Variants in SNAI2 observed in about 807,000 individuals in gnomAD.
SNAI2 encodes the protein snail family transcriptional repressor 2.
Under a neutral mutation model 22.4 loss-of-function variants are expected in SNAI2, and 2 were observed. The observed-to-expected ratio is 0.09, with a 90% CI of 0.04 to 0.28. The LOEUF (loss-of-function observed/expected upper bound fraction) is 0.28, where lower values mean the gene tolerates loss of function less well. Among genes scored for constraint, SNAI2 ranks in the 10% least tolerant of loss-of-function variants. The pLI, the probability that SNAI2 is intolerant of heterozygous loss-of-function variation, is 1.00. For missense variants in SNAI2, 239 were observed against 320.8 expected, an observed-to-expected ratio of 0.75 and a Z score of 1.95; for synonymous variants, 134 against 123.0, an observed-to-expected ratio of 1.09 and a Z score of -0.59.
At chr8:48,919,054 T>C (rs1030149135) in intron 2 of SNAI2, 66 bp from the exon 3 acceptor site, 1 of 1,502,718 alleles carries the variant, frequency 6.7e-7, no homozygotes, top group African/African-American at 1.4e-5. Flanking sequence ...TAAAGTAAAA[T>C]CATGTTAACA....
Position 48,918,538 on chromosome 8 carries a change from G to T in SNAI2, c.*269C>A, listed in dbSNP as rs550104943. On this transcript the variant is annotated 3_prime_UTR_variant, in exon 3 of 3. Transcript: ENST00000020945. The stretch of plus-strand genomic sequence containing the variant: ...TTTCATTTTATCTTTGAAGAGAAAG[G>T]TTACTGTCTTTTATTCTCTCAATCT... 9 of 454,944 alleles carry T rather than the reference G, an allele frequency of 2.0e-5. No individual in the cohort carries two copies. Among genetic ancestry groups the T allele is most frequent in the East Asian group, 1.2e-4 (3 of 25,074 alleles). The allele number at this position is 454,944 out of a possible 1,614,324, so 28.2% of individuals were successfully genotyped here.
At position 48,918,697 on chromosome 8, in the gene SNAI2, A is replaced by G. The variant is rs1806115363; in HGVS notation, c.*110T>C. 2.1e-6 allele frequency: 2 copies of G among 955,468 alleles called. No individual in the cohort carries two copies. Among genetic ancestry groups the G allele is most frequent in the Non-Finnish European group, 1.7e-6 (1 of 589,346 alleles). 59.2% of individuals were successfully genotyped at this position (955,468 alleles called of 1,614,324 possible). ...TGTGTGCATATGTGTGTGTGTCTAT[A>G]CATATTATTTGGTTGGTCAGCACAG... On this transcript the variant is annotated 3_prime_UTR_variant, in exon 3 of 3. Transcript: ENST00000020945.
rs374589338 is a variant in SNAI2 at position 48,920,027 on chromosome 8, T to C, written c.494A>G (p.Asp165Gly). ...GGCGCCCAGGCTCACATATTCCTTG[T>C]CACAGTATTTACAGCTGAAAGATTT... ...SRKSFSCKYC[D>G]KEYVSLGALK... Residue 165 changes from aspartate to glycine, a missense_variant, in exon 2 of 3, where the codon GAC becomes GGC. Coordinates refer to ENST00000020945, the MANE Select transcript of SNAI2 (RefSeq NM_003068.5). 1 of 1,614,096 alleles carries C rather than the reference T, an allele frequency of 6.2e-7. No individual in the cohort carries two copies. Among genetic ancestry groups the C allele is most frequent in the Non-Finnish European group, 8.5e-7 (1 of 1,180,044 alleles).
In SNAI2 at chr8:48,921,356, G is replaced by A. The variant is rs988277433; in HGVS notation, c.-91C>T. On this transcript the variant is annotated 5_prime_UTR_variant, in exon 1 of 3. Transcript: ENST00000020945. ...TACAGCATCGCGGCGGGCCAGGCTC[G>A]GGCAGGGGCCGTGCTCAGGTGCGGC... The A allele has an allele frequency of 2.8e-5, 28 of 1,002,486 alleles. No individual in the cohort carries two copies. The highest frequency in any genetic ancestry group is 4.1e-5 in the Non-Finnish European group (26 of 636,304). 62.1% of individuals were successfully genotyped at this position (1,002,486 alleles called of 1,614,324 possible). A position where few individuals can be genotyped will look rare whatever the true frequency, so the allele number is the denominator to read the frequency against.
chr8:48,921,375 G>A lies in SNAI2; in HGVS notation c.-110C>T, dbSNP rs1419065601. 15 of 849,994 alleles carry A rather than the reference G, an allele frequency of 1.8e-5. No individual in the cohort carries two copies. The highest frequency in any genetic ancestry group is 3.0e-5 in the Non-Finnish European group (15 of 503,802). The allele number at this position is 849,994 out of a possible 1,614,324, so 52.7% of individuals were successfully genotyped here. A position where few individuals can be genotyped will look rare whatever the true frequency, so the allele number is the denominator to read the frequency against. ...AGGCTCGGGCAGGGGCCGTGCTCAG[G>A]TGCGGCAGACGGACGGGCCGGCGCC... On this transcript the variant is annotated 5_prime_UTR_variant, in exon 1 of 3. Coordinates refer to ENST00000020945, the MANE Select transcript of SNAI2 (RefSeq NM_003068.5).
Position 48,917,910 on chromosome 8 carries a change from T to C in SNAI2, c.*897A>G, listed in dbSNP as rs1806101944. ...TTCATACAGAACTCATTCAATCATA[T>C]AAAAATAAACACAAATTTACATTGA... is the stretch of plus-strand genomic sequence containing the variant. On this transcript the variant is annotated 3_prime_UTR_variant, in exon 3 of 3. Transcript: ENST00000020945. 1 of 152,138 alleles carries C rather than the reference T, an allele frequency of 6.6e-6. No homozygotes were observed. Among genetic ancestry groups the C allele is most frequent in the Non-Finnish European group, 1.5e-5 (1 of 68,012 alleles). The allele number at this position is 152,138 out of a possible 1,614,324, so 9.4% of individuals were successfully genotyped here.
At chr8:48,919,824 G>A in intron 2 of SNAI2, 72 bp downstream of exon 2, 1 of 1,481,476 alleles carries the variant, frequency 6.8e-7, no homozygotes, top group Non-Finnish European at 9.4e-7. Flanking sequence ...ACAACTTCAT[G>A]CAAATCCAAC....
At position 48,917,732 on chromosome 8, in the gene SNAI2, G is replaced by A. The variant is rs1424515641; in HGVS notation, c.*1075C>T. Reference sequence around the variant, plus strand: ...ACAGTGGTTTGGTACTAATCATGAAGCAAGTAAAGTCTCTGAAAATAGTAT... The same window carrying A: ...ACAGTGGTTTGGTACTAATCATGAAACAAGTAAAGTCTCTGAAAATAGTAT... On this transcript the variant is annotated 3_prime_UTR_variant, in exon 3 of 3. Transcript: ENST00000020945. The A allele has an allele frequency of 1.3e-5, 2 of 152,018 alleles. No individual in the cohort carries two copies. The highest frequency in any genetic ancestry group is 2.9e-5 in the Non-Finnish European group (2 of 67,964). The allele number at this position is 152,018 out of a possible 1,614,324, so 9.4% of individuals were successfully genotyped here.
At position 48,918,992 on chromosome 8, in the gene SNAI2, G is replaced by T. The variant is rs369752601; in HGVS notation, c.626-4C>A. ...GGGCAAGAAAAAGGCTTCTCCCCTG[G>T]GGGTGGAGTGGGAGAAAAAAAGAAA... On this transcript the variant is annotated splice_polypyrimidine_tract_variant and splice_region_variant and intron_variant, in intron 2 of 2. Transcript: ENST00000020945. The T allele has an allele frequency of 6.2e-7, 1 of 1,613,006 alleles. No individual in the cohort carries two copies. The highest frequency in any genetic ancestry group is 8.5e-7 in the Non-Finnish European group (1 of 1,179,748).
At position 48,920,234 on chromosome 8, in the gene SNAI2, G is replaced by A; in HGVS notation, c.287C>T (p.Ser96Phe). Residue 96 changes from serine (S) to phenylalanine (F), a missense_variant, in exon 2 of 3, where the codon TCC becomes TTC. Transcript: ENST00000020945. Reference sequence around the variant, plus strand: ...GCTTTCTGAGCCACTGTGGTCCTTGGAGGAGGTGTCAGATGGAGGAGGGGG... The same window carrying A: ...GCTTTCTGAGCCACTGTGGTCCTTGAAGGAGGTGTCAGATGGAGGAGGGGG... Reference protein sequence around the residue: ...VSPPPPSDTSSKDHSGSESPI... With the variant: ...VSPPPPSDTSFKDHSGSESPI... The A allele has an allele frequency of 6.2e-7, 1 of 1,614,164 alleles. No homozygotes were observed.
Position 48,919,008 on chromosome 8 carries a change from A to G in SNAI2, c.626-20T>C. ...TCTCCCCTGGGGGTGGAGTGGGAGAAAAAAAGAAAGACAGTCAGTGTTTTT... is the reference window on the plus strand; with the variant it reads ...TCTCCCCTGGGGGTGGAGTGGGAGAGAAAAAGAAAGACAGTCAGTGTTTTT... On this transcript the variant is annotated intron_variant, in intron 2 of 2. Coordinates refer to ENST00000020945, the MANE Select transcript of SNAI2 (RefSeq NM_003068.5). The G allele has an allele frequency of 6.2e-7, 1 of 1,611,164 alleles. No homozygotes were observed. Among genetic ancestry groups the G allele is most frequent in the South Asian group, 1.1e-5 (1 of 90,970 alleles).
rs547700652 is a variant in SNAI2, at chr8:48,918,660, T to G, written c.*147A>C. On this transcript the variant is annotated 3_prime_UTR_variant, in exon 3 of 3. Coordinates refer to ENST00000020945, the MANE Select transcript of SNAI2 (RefSeq NM_003068.5). ...GCTCTTGCAGCTCTCTCTCTGTGGG[T>G]GTGTGTGTGTGTGTGTGCATATGTG... 304 of 394,208 alleles carry G rather than the reference T, an allele frequency of 7.7e-4. No individual in the cohort carries two copies. The highest frequency in any genetic ancestry group is 3.0e-3 in the South Asian group (88 of 29,456). The allele number at this position is 394,208 out of a possible 1,614,324, so 24.4% of individuals were successfully genotyped here.
At position 48,918,524 on chromosome 8, in the gene SNAI2, C is replaced by T. The variant is rs1806111776; in HGVS notation, c.*283G>A. On this transcript the variant is annotated 3_prime_UTR_variant, in exon 3 of 3. Coordinates refer to ENST00000020945, the MANE Select transcript of SNAI2 (RefSeq NM_003068.5). The stretch of plus-strand genomic sequence containing the variant: ...AGATGCAATGTGCTTTTCATTTTAT[C>T]TTTGAAGAGAAAGGTTACTGTCTTT... 9.7e-6 allele frequency: 4 copies of T among 410,970 alleles called. No individual in the cohort carries two copies. Among genetic ancestry groups the T allele is most frequent in the Non-Finnish European group, 1.8e-5 (4 of 225,482 alleles). The allele number at this position is 410,970 out of a possible 1,614,324, so 25.5% of individuals were successfully genotyped here.
In SNAI2 at chr8:48,920,403, G is replaced by C. The variant is rs891783277; in HGVS notation, c.118C>G (p.Pro40Ala). Residue 40 changes from proline (P) to alanine (A), a missense_variant, in exon 2 of 3, where the codon CCT (proline) becomes GCT (alanine). Coordinates refer to ENST00000020945, the MANE Select transcript of SNAI2 (RefSeq NM_003068.5). ...AGGATCTCTGGTTGTGGTATGACAG[G>C]CATGGAGTAACTCTCATAGAGATAC... Reference protein sequence around the residue: ...SPYLYESYSMPVIPQPEILSS... With the variant: ...SPYLYESYSMAVIPQPEILSS... 2 of 1,614,114 alleles carry C rather than the reference G, an allele frequency of 1.2e-6. No individual in the cohort carries two copies. Among genetic ancestry groups the C allele is most frequent in the Non-Finnish European group, 1.7e-6 (2 of 1,179,976 alleles).
At chr8:48,919,745 G>T in intron 2 of SNAI2, 151 bp downstream of exon 2, 2 of 819,880 alleles carry the variant, frequency 2.4e-6, no homozygotes, top group Non-Finnish European at 4.1e-6. Context: ...AGCACTTTGT[G>T]CCCTAACAAC....
At position 48,921,119 on chromosome 8, in the gene SNAI2, G is replaced by A. The variant is rs1327834035; in HGVS notation, c.79+68C>T. ...GGCTCTTTTGTAATGGTATTTGAAGGGTAATACGTAGATTCATATTTGCAA... is the reference window on the plus strand; with the variant it reads ...GGCTCTTTTGTAATGGTATTTGAAGAGTAATACGTAGATTCATATTTGCAA... On this transcript the variant is annotated intron_variant, in intron 1 of 2. Transcript: ENST00000020945. The A allele has an allele frequency of 5.4e-6, 6 of 1,101,562 alleles. No homozygotes were observed. In the African/African-American group the frequency reaches 9.2e-5, roughly 17 times the overall value. The allele number at this position is 1,101,562 out of a possible 1,614,324, so 68.2% of individuals were successfully genotyped here.
intron 2 of SNAI2, 50 bp from the exon 3 acceptor site, chr8:48,919,038 G>A (rs879207236): frequency 1.3e-6 from 2 of 1,554,608 alleles, no homozygotes; most frequent in South Asian, 2.2e-5. Context: ...GTTTTTAGAG[G>A]AAACATAAAG....
chr8:48,919,999 C>T lies in SNAI2; in HGVS notation c.522G>A (p.Leu174=), dbSNP rs753970426. ...CDKEYVSLGA[L]KMHIRTHTLP... ...ATGTGTGGGTCCGAATATGCATCTT[C>T]AGGGCGCCCAGGCTCACATATTCCT... The change falls in exon 2 of 3, where the codon CTG becomes CTA. Residue 174 remains leucine (L), a synonymous_variant. Coordinates refer to ENST00000020945, the MANE Select transcript of SNAI2 (RefSeq NM_003068.5). 2.6e-5 allele frequency: 42 copies of T among 1,614,088 alleles called. No individual in the cohort carries two copies. The highest frequency in any genetic ancestry group is 3.5e-5 in the Non-Finnish European group (41 of 1,180,046).
Position 48,920,048 on chromosome 8 carries a change from G to C in SNAI2, c.473C>G (p.Ser158Cys), listed in dbSNP as rs769311446. ...QLHCDAQSRK[S>C]FSCKYCDKEY... ...CTTGTCACAGTATTTACAGCTGAAA[G>C]ATTTTCTAGACTGGGCATCGCAGTG... Residue 158 changes from serine (S) to cysteine (C), a missense_variant, in exon 2 of 3, where the codon TCT becomes TGT. This residue lies in a region of SNAI2 where 183 missense variants were observed against 190.4 expected (regional missense o/e 0.96). Transcript: ENST00000020945. 5.0e-6 allele frequency: 8 copies of C among 1,614,220 alleles called. No homozygotes were observed. The South Asian group carries it at 8.8e-5, about 18-fold the overall frequency.
Sources: allele counts gnomAD v4.1 joint callset, GRCh38; gene constraint gnomAD v4.1.1; regional missense constraint gnomAD v4.1.1; transcripts MANE v1.5; gene names NCBI Gene and HGNC (gene_info 2026-07-23, HGNC 2026-07-21).